FGGY: variants seen among roughly 807,000 people sequenced by gnomAD.
FGGY encodes FGGY carbohydrate kinase domain containing.
A neutral mutation model predicts 71.3 loss-of-function variants in FGGY; 72 were observed. The observed-to-expected ratio is 1.01, with a 90% confidence interval of 0.84 to 1.23. The LOEUF is 1.23. Ranked by LOEUF, FGGY falls within the 50% of genes most tolerant of loss-of-function variation. The pLI, the probability that FGGY is intolerant of heterozygous loss-of-function variation, is 0.00. For missense variants in FGGY, 668 were observed against 682.3 expected, an observed-to-expected ratio of 0.98 and a Z score of 0.23; for synonymous variants, 251 against 250.3, an observed-to-expected ratio of 1.00 and a Z score of -0.02.
chr1:59,718,693 G>A (rs879435394), intron 14 of FGGY, among the ~76,000 whole-genome samples: 42 of 152,270 alleles, frequency 2.8e-4, no homozygotes, highest in Non-Finnish European at 4.9e-4. Flanking sequence ...TTACCCAGAG[G>A]AGCATTCTGA....
intron 4 of FGGY, among the ~76,000 whole-genome samples, chr1:59,356,742 C>T (rs2054393056): frequency 6.6e-6 from 1 of 152,106 alleles, no homozygotes; most frequent in African/African-American, 2.4e-5. Context: ...TTTTCTCTTC[C>T]TCATTGTGGA....
intron 2 of FGGY, among the ~76,000 whole-genome samples, chr1:59,330,532 G>T (rs1027535419): frequency 1.5e-4 from 22 of 149,626 alleles, no homozygotes; most frequent in South Asian, 4.2e-4. Flanking sequence ...TCGCAGCACT[G>T]CCCTCCAGCC....
chr1:59,592,046 A>T lies in FGGY; in HGVS notation c.904-15757A>T, dbSNP rs576502136. 2.6e-5 allele frequency among the ~76,000 whole-genome samples: 4 copies of T among 152,350 alleles called. No homozygotes were observed. In the South Asian group the frequency reaches 6.2e-4, roughly 24 times the overall value. On this transcript the variant is annotated intron_variant, in intron 8 of 15. Coordinates refer to ENST00000303721, the MANE Select transcript of FGGY (RefSeq NM_018291.5). ...AATTTTCGCAACCTACTCATCTGAC[A>T]AAGGGCTAATATTCAGAATCTACAA...
chr1:59,619,733 T>C (rs966446863), intron 9 of FGGY, among the ~76,000 whole-genome samples: 3 of 152,052 alleles, frequency 2.0e-5, no homozygotes, highest in Admixed American at 6.6e-5. Flanking sequence ...CATTGGAGAA[T>C]AATGAGCGGA....
At chr1:59,426,676 A>G (rs148560982) in intron 5 of FGGY, among the ~76,000 whole-genome samples, 230 of 152,152 alleles carry the variant, frequency 1.5e-3, no homozygotes, top group African/African-American at 5.3e-3. Flanking sequence ...TTTACTTTTT[A>G]CTTGTTTACT....
intron 1 of FGGY, among the ~76,000 whole-genome samples, chr1:59,320,054 A>C (rs1016918634): frequency 8.5e-5 from 13 of 152,220 alleles, no homozygotes; most frequent in African/African-American, 3.1e-4. Flanking sequence ...GGGGAATGTA[A>C]GCAAGGGAGA....
chr1:59,298,808 C>A (rs914830217), intron 1 of FGGY, among the ~76,000 whole-genome samples: 1 of 152,136 alleles, frequency 6.6e-6, no homozygotes, highest in Non-Finnish European at 1.5e-5. Flanking sequence ...CCTTCTCACC[C>A]GCCCACCTTT....
At chr1:59,457,771 C>G (rs567468424) in intron 6 of FGGY, among the ~76,000 whole-genome samples, 1 of 152,044 alleles carries the variant, frequency 6.6e-6, no homozygotes, top group South Asian at 2.1e-4. Flanking sequence ...AGGCTGTGAA[C>G]AGGTAAAAAA....
intron 6 of FGGY, among the ~76,000 whole-genome samples, chr1:59,467,641 C>G (rs1358214827): frequency 6.6e-6 from 1 of 152,012 alleles, no homozygotes; most frequent in African/African-American, 2.4e-5. Context: ...TTTACTGCCT[C>G]TACTTCCTAT....
chr1:59,551,302 T>C (rs756262065), intron 7 of FGGY, among the ~76,000 whole-genome samples: 20 of 152,230 alleles, frequency 1.3e-4, no homozygotes, highest in Non-Finnish European at 2.9e-4. Flanking sequence ...AGTCTAGATA[T>C]AGCAGCAGTG....
intron 5 of FGGY, among the ~76,000 whole-genome samples, chr1:59,425,109 G>A (rs141709254): frequency 1.4e-4 from 22 of 152,238 alleles, no homozygotes; most frequent in Non-Finnish European, 3.1e-4. Flanking sequence ...CTTGTGAGCC[G>A]TAAAAGCGAT....
intron 7 of FGGY, among the ~76,000 whole-genome samples, chr1:59,526,021 CAT>C (rs1274569227): frequency 6.6e-5 from 10 of 152,224 alleles, no homozygotes; most frequent in East Asian, 3.9e-4. Context: ...TGTGCATGCA[CAT>C]GTTTGCATGC....
intron 8 of FGGY, among the ~76,000 whole-genome samples, chr1:59,570,485 G>T (rs921985180): frequency 2.0e-5 from 3 of 152,182 alleles, no homozygotes; most frequent in Non-Finnish European, 4.4e-5. Context: ...TCTCTTGGTA[G>T]GTCTGGGTAA....
chr1:59,342,678 C>T (rs948947919), intron 3 of FGGY, among the ~76,000 whole-genome samples: 7 of 152,098 alleles, frequency 4.6e-5, no homozygotes, highest in African/African-American at 7.2e-5. Flanking sequence ...GAGACTCCTA[C>T]CTGCATGGCA....
intron 15 of FGGY, among the ~76,000 whole-genome samples, chr1:59,758,812 G>T (rs1371612657): frequency 6.6e-6 from 1 of 152,176 alleles, no homozygotes; most frequent in African/African-American, 2.4e-5. Flanking sequence ...GACTAGGGAA[G>T]GATAGAATTG....
intron 4 of FGGY, among the ~76,000 whole-genome samples, chr1:59,365,347 G>T (rs1238618265): frequency 6.6e-6 from 1 of 152,090 alleles, no homozygotes; most frequent in East Asian, 1.9e-4. Flanking sequence ...GGTTGAGGAA[G>T]ACTTCCTCAT....
At chr1:59,538,535 A>G (rs1179726936) in intron 7 of FGGY, among the ~76,000 whole-genome samples, 8 of 147,862 alleles carry the variant, frequency 5.4e-5, no homozygotes, top group Non-Finnish European at 1.0e-4. Flanking sequence ...CTATAAAGAC[A>G]CATGCACACG....
At chr1:59,549,106 A>T (rs2095569278) in intron 7 of FGGY, among the ~76,000 whole-genome samples, 1 of 152,220 alleles carries the variant, frequency 6.6e-6, no homozygotes, top group African/African-American at 2.4e-5. Flanking sequence ...AGTCTTCTGC[A>T]GAGAACACGT....
intron 5 of FGGY, among the ~76,000 whole-genome samples, chr1:59,410,498 G>A (rs899571972): frequency 3.3e-5 from 5 of 152,194 alleles, no homozygotes; most frequent in Admixed American, 1.3e-4. Context: ...CAGTATATGG[G>A]ACATGTATCC....
Sources: allele counts gnomAD v4.1 joint callset (sites outside exome capture counted in the v4.1 genomes callset), GRCh38; gene constraint gnomAD v4.1.1; transcripts MANE v1.5; gene names NCBI Gene and HGNC (gene_info 2026-07-23, HGNC 2026-07-21).